Variants in THSD7A observed in about 807,000 individuals in gnomAD.
THSD7A encodes the protein thrombospondin type 1 domain containing 7A.
Under a neutral mutation model 231.3 loss-of-function variants are expected in THSD7A, and 96 were observed. That is an observed-to-expected ratio of 0.41 (90% CI 0.35 to 0.49). The LOEUF (loss-of-function observed/expected upper bound fraction) is 0.49, where lower values mean the gene tolerates loss of function less well. Among genes scored for constraint, THSD7A ranks in the 20% least tolerant of loss-of-function variants. THSD7A has a pLI of 0.05. For missense variants in THSD7A, 2,290 were observed against 2,070.2 expected (o/e 1.11, Z -2.06); for synonymous variants, 940 against 743.3 (o/e 1.26, Z -4.30).
chr7:11,467,727 T>G (rs1397260308), intron 9 of THSD7A, among the ~76,000 whole-genome samples: 1 of 149,534 alleles, frequency 6.7e-6, no homozygotes, highest in African/African-American at 2.4e-5. Context: ...TCTTTTCAAG[T>G]ATGGTTTTTT....
intron 6 of THSD7A, among the ~76,000 whole-genome samples, chr7:11,523,637 G>C (rs1436525301): frequency 1.3e-5 from 2 of 151,958 alleles, no homozygotes; most frequent in African/African-American, 2.4e-5. Context: ...TTACTAAATA[G>C]TAAAGTAAAT....
Position 11,543,042 on chromosome 7 carries a change from G to A in THSD7A, c.1529C>T (p.Pro510Leu), listed in dbSNP as rs766130138. ...NTTQLCHIPC[P>L]TECEVSPWSA... ...CCAAGGTGAAACTTCACATTCAGTTGGACAAGGAATGTGGCACAGCTGTGT... is the reference window on the plus strand; with the variant it reads ...CCAAGGTGAAACTTCACATTCAGTTAGACAAGGAATGTGGCACAGCTGTGT... Residue 510 changes from proline (P) to leucine (L), a missense_variant, in exon 5 of 28, where the codon CCA becomes CTA. Coordinates refer to ENST00000423059, the MANE Select transcript of THSD7A (RefSeq NM_015204.3). 34 of 1,613,578 alleles carry A rather than the reference G, an allele frequency of 2.1e-5. No homozygotes were observed. The South Asian group carries it at 3.6e-4, about 17-fold the overall frequency.
At chr7:11,697,374 C>G (rs892959683) in intron 1 of THSD7A, among the ~76,000 whole-genome samples, 2 of 151,182 alleles carry the variant, frequency 1.3e-5, no homozygotes, top group African/African-American at 4.8e-5. Context: ...ATTTTTAACT[C>G]TGTAATAATT....
chr7:11,795,394 G>A (rs1157727329), intron 1 of THSD7A, among the ~76,000 whole-genome samples: 1 of 151,926 alleles, frequency 6.6e-6, no homozygotes, highest in Non-Finnish European at 1.5e-5. Context: ...TTTATGATAG[G>A]ATAGTGTCAA....
chr7:11,427,615 A>G (rs892836743), intron 14 of THSD7A, among the ~76,000 whole-genome samples: 1 of 152,178 alleles, frequency 6.6e-6, no homozygotes, highest in African/African-American at 2.4e-5. Context: ...TGAAATAGGT[A>G]TGAGTATGTG....
intron 23 of THSD7A, among the ~76,000 whole-genome samples, chr7:11,393,257 T>C (rs1783054043): frequency 6.6e-6 from 1 of 151,888 alleles, no homozygotes; most frequent in Non-Finnish European, 1.5e-5. Flanking sequence ...GGGTCTGGAG[T>C]GGACCTCCAG....
chr7:11,432,339 G>T (rs1784501465), intron 13 of THSD7A, among the ~76,000 whole-genome samples: 1 of 152,064 alleles, frequency 6.6e-6, no homozygotes, highest in Non-Finnish European at 1.5e-5. Context: ...CTATACATTT[G>T]TCAAAGATAT....
chr7:11,513,778 AC>A (rs1787915396), intron 6 of THSD7A, among the ~76,000 whole-genome samples: 1 of 152,186 alleles, frequency 6.6e-6, no homozygotes, highest in African/African-American at 2.4e-5. Flanking sequence ...TAAAATGGTT[AC>A]TTTTATGTTA....
chr7:11,550,455 A>G (rs1789579785), intron 4 of THSD7A, among the ~76,000 whole-genome samples: 1 of 152,130 alleles, frequency 6.6e-6, no homozygotes, highest in African/African-American at 2.4e-5. Context: ...GGGACCTGGC[A>G]GGAGGCGAGT....
intron 4 of THSD7A, among the ~76,000 whole-genome samples, chr7:11,584,747 A>G (rs1791323396): frequency 6.6e-6 from 1 of 152,196 alleles, no homozygotes; most frequent in African/African-American, 2.4e-5. Flanking sequence ...GTTCCCTTAA[A>G]TTAGTGTCCA....
rs139037400 is a variant in THSD7A at position 11,584,048 on chromosome 7, G to A, written c.1453+6412C>T. ...ATGAAGTAATGCAGTATTTTTGCCTGTATTCTCTTTCTCTGGCTAAAGTTT... is the reference window on the plus strand; with the variant it reads ...ATGAAGTAATGCAGTATTTTTGCCTATATTCTCTTTCTCTGGCTAAAGTTT... On this transcript the variant is annotated intron_variant, in intron 4 of 27. Coordinates refer to ENST00000423059, the MANE Select transcript of THSD7A (RefSeq NM_015204.3). 5.1e-3 allele frequency among the ~76,000 whole-genome samples: 780 copies of A among 152,174 alleles called. 8 individuals carry two copies. Among genetic ancestry groups the A allele is most frequent in the African/African-American group, 0.018 (741 of 41,532 alleles).
intron 1 of THSD7A, among the ~76,000 whole-genome samples, chr7:11,783,008 C>T (rs967389461): frequency 2.0e-5 from 3 of 152,024 alleles, no homozygotes; most frequent in Non-Finnish European, 4.4e-5. Context: ...AGTGTGCGAA[C>T]CATATTTTCT....
rs956239728 is a variant in THSD7A at position 11,657,001 on chromosome 7, C to T, written c.191-20040G>A. ...CCATGTTACTCAATTGTTAAGACTG[C>T]CATGTATTAAATTTTACATTGTGTC... On this transcript the variant is annotated intron_variant, in intron 1 of 27. Transcript: ENST00000423059. Among the ~76,000 whole-genome samples the T allele has an allele frequency of 2.0e-5, 3 of 151,740 alleles. No homozygotes were observed. In the Admixed American group the frequency reaches 2.0e-4, roughly 10 times the overall value.
chr7:11,636,106 A>G lies in THSD7A; in HGVS notation c.1022+24T>C. 1 of 1,580,076 alleles carries G rather than the reference A, an allele frequency of 6.3e-7. No homozygotes were observed. Among genetic ancestry groups the G allele is most frequent in the Non-Finnish European group, 8.6e-7 (1 of 1,158,074 alleles). ...TGATTCTTGACAGACAAGCCTGTGT[A>G]GTTAACAGTAATTAAAATGTTACCT... On this transcript the variant is annotated intron_variant, in intron 2 of 27. Coordinates refer to ENST00000423059, the MANE Select transcript of THSD7A (RefSeq NM_015204.3). This position sits in a 1 kb window ranked among gnomAD's most constrained non-coding sequence, Gnocchi z 10.0.
chr7:11,725,435 T>G (rs888332077), intron 1 of THSD7A, among the ~76,000 whole-genome samples: 13 of 151,952 alleles, frequency 8.6e-5, no homozygotes, highest in Non-Finnish European at 1.5e-4. Flanking sequence ...ATAAAAGACA[T>G]ACCTATCTTG....
At chr7:11,580,084 C>T (rs913614289) in intron 4 of THSD7A, among the ~76,000 whole-genome samples, 12 of 152,006 alleles carry the variant, frequency 7.9e-5, no homozygotes, top group Admixed American at 4.6e-4. Context: ...TTCTCTAAAT[C>T]GCATAAGCTT....
At chr7:11,461,977 G>C in intron 10 of THSD7A, 34 bp downstream of exon 10, 1 of 1,606,324 alleles carries the variant, frequency 6.2e-7, no homozygotes, top group Non-Finnish European at 8.5e-7. Flanking sequence ...TATTTGTTCA[G>C]CTCCTCCCTC....
intron 13 of THSD7A, among the ~76,000 whole-genome samples, chr7:11,443,333 T>A (rs1490248667): frequency 6.6e-6 from 1 of 152,084 alleles, no homozygotes; most frequent in East Asian, 1.9e-4. Flanking sequence ...GTTTTCTACA[T>A]TATCACCTCA....
chr7:11,758,259 T>G (rs1320434056), intron 1 of THSD7A, among the ~76,000 whole-genome samples: 1 of 151,788 alleles, frequency 6.6e-6, no homozygotes, highest in Non-Finnish European at 1.5e-5. Flanking sequence ...CTAAAATAGG[T>G]TATGCTCTAT....
Sources: allele counts gnomAD v4.1 joint callset (sites outside exome capture counted in the v4.1 genomes callset), GRCh38; gene constraint gnomAD v4.1.1; non-coding constraint Gnocchi (gnomAD v3.1); transcripts MANE v1.5; gene names NCBI Gene and HGNC (gene_info 2026-07-23, HGNC 2026-07-21).